Variants in SMAD6 observed in about 807,000 individuals in gnomAD.
The protein encoded by SMAD6 is SMAD family member 6.
A neutral mutation model predicts 39.4 loss-of-function variants in SMAD6; 103 were observed. The ratio of observed to expected loss-of-function variants is 2.62; its 90% confidence interval spans 2.23 to 3.08. SMAD6 has a LOEUF of 3.08. Among genes scored for constraint, SMAD6 ranks in the 30% most tolerant of loss-of-function variants. The pLI is 0.00. For synonymous variants in SMAD6, 445 were observed against 353.3 expected (o/e 1.26, Z -2.91); for missense variants, 1,104 against 742.9 (o/e 1.49, Z -5.65).
chr15:66,771,477 C>T (rs114115666), intron 3 of SMAD6, among the ~76,000 whole-genome samples: 1 of 152,214 alleles, frequency 6.6e-6, no homozygotes, highest in Non-Finnish European at 1.5e-5. Flanking sequence ...AAAGGCCTTT[C>T]TGCAGAGAAA....
chr15:66,717,316 T>G (rs1469029929), intron 3 of SMAD6: 1 of 461,430 alleles, frequency 2.2e-6, no homozygotes, highest in Non-Finnish European at 4.3e-6. Flanking sequence ...ATCTGAGACA[T>G]TCTTCCCTCA....
intron 3 of SMAD6, chr15:66,716,868 C>A: frequency 1.5e-6 from 1 of 656,602 alleles, no homozygotes; most frequent in Non-Finnish European, 2.3e-6. Context: ...ATTTGTCTTC[C>A]TCCTGTCCTC....
intron 3 of SMAD6, among the ~76,000 whole-genome samples, chr15:66,751,178 G>A (rs938000842): frequency 5.3e-5 from 8 of 152,346 alleles, no homozygotes; most frequent in African/African-American, 1.9e-4. Context: ...TCTGCAGGAA[G>A]TCAGAGGGTG....
In SMAD6 at chr15:66,780,276, T is replaced by G. The variant is rs116859350; in HGVS notation, c.953-721T>G. On this transcript the variant is annotated intron_variant, in intron 3 of 3. Transcript: ENST00000288840. ...GCGGTACCAGGAGGCTAAGGCTGAG[T>G]CAGGGAGCAGTCAAGCAGTCATATT... Among the ~76,000 whole-genome samples, 1,225 of 152,078 alleles carry G rather than the reference T, an allele frequency of 8.1e-3. 94 individuals are homozygous for G. In the East Asian group the frequency reaches 0.17, roughly 21 times the overall value.
rs1429905589 is a variant in SMAD6 at position 66,703,867 on chromosome 15, C to T, written c.609C>T (p.Gly203=). Residue 203 remains glycine, a synonymous_variant, in exon 1 of 4, where the codon GGC becomes GGT. Transcript: ENST00000288840. The part of the protein sequence containing the change: ...EAVESRGGVP[G]GCVLVPRADL... ...TGGAGTCCCGCGGCGGCGTGCCGGG[C>T]GGCTGCGTGCTGGTGCCGCGCGCCG... 1 of 1,334,898 alleles carries T rather than the reference C, an allele frequency of 7.5e-7. No homozygotes were observed. The highest frequency in any genetic ancestry group is 9.7e-7 in the Non-Finnish European group (1 of 1,034,810). The allele number at this position is 1,334,898 out of a possible 1,614,324, so 82.7% of individuals were successfully genotyped here.
intron 3 of SMAD6, among the ~76,000 whole-genome samples, chr15:66,732,350 A>G (rs571426818): frequency 6.6e-6 from 1 of 151,714 alleles, no homozygotes; most frequent in Non-Finnish European, 1.5e-5. Context: ...AAATCTTTGC[A>G]CTTCCCCTCC....
intron 3 of SMAD6, among the ~76,000 whole-genome samples, chr15:66,721,998 G>C (rs920923117): frequency 1.3e-5 from 2 of 152,192 alleles, no homozygotes; most frequent in African/African-American, 4.8e-5. Context: ...CAAAGACCTG[G>C]AGGTGTGAAA....
At chr15:66,721,547 C>T (rs573392844) in intron 3 of SMAD6, among the ~76,000 whole-genome samples, 5 of 152,282 alleles carry the variant, frequency 3.3e-5, no homozygotes, top group African/African-American at 7.2e-5. Flanking sequence ...AGCCCTGAGT[C>T]GGCCATCTAT....
rs1207179077 is a variant in SMAD6, at chr15:66,756,003, G to A, written c.953-24994G>A. 2.0e-5 allele frequency among the ~76,000 whole-genome samples: 3 copies of A among 151,130 alleles called. No individual in the cohort carries two copies. The South Asian group carries it at 6.3e-4, about 32-fold the overall frequency. On this transcript the variant is annotated intron_variant, in intron 3 of 3. Transcript: ENST00000288840. ...TCCTGGAGGAAGGAAAAGATTCCCA[G>A]AGTTCTATGCTTCAAGTCATTTTGG...
chr15:66,734,504 A>G (rs573145777), intron 3 of SMAD6, among the ~76,000 whole-genome samples: 1 of 152,324 alleles, frequency 6.6e-6, no homozygotes, highest in South Asian at 2.1e-4. Context: ...CCTGGCATTT[A>G]TTTAACAGTG....
chr15:66,771,918 G>A lies in SMAD6; in HGVS notation c.953-9079G>A, dbSNP rs185470212. ...AGAAACTACACTCAAAAGCCAAAAA[G>A]TGTGTTTCCAGGGCTGCATAGGGTA... On this transcript the variant is annotated intron_variant, in intron 3 of 3. Coordinates refer to ENST00000288840, the MANE Select transcript of SMAD6 (RefSeq NM_005585.5). 3.3e-3 allele frequency among the ~76,000 whole-genome samples: 499 copies of A among 152,274 alleles called. 1 individual carries two copies. The highest frequency in any genetic ancestry group is 4.7e-3 in the Non-Finnish European group (320 of 68,022).
intron 3 of SMAD6, among the ~76,000 whole-genome samples, chr15:66,760,772 C>G (rs552531915): frequency 3.3e-5 from 5 of 152,306 alleles, no homozygotes; most frequent in African/African-American, 1.2e-4. Context: ...GCCTTCCCAG[C>G]CAGTCTCCCA....
intron 1 of SMAD6, among the ~76,000 whole-genome samples, chr15:66,710,963 C>T (rs1029080576): frequency 6.6e-6 from 1 of 152,218 alleles, no homozygotes; most frequent in Admixed American, 6.5e-5. Context: ...ACCCTTTCTA[C>T]TGTCCTCCCC....
chr15:66,777,906 G>A (rs760355477), intron 3 of SMAD6, among the ~76,000 whole-genome samples: 1 of 152,174 alleles, frequency 6.6e-6, no homozygotes, highest in Non-Finnish European at 1.5e-5. Flanking sequence ...GCCTGAAGGC[G>A]GCTCTATGGG....
In SMAD6 at chr15:66,703,576, C is replaced by G. The variant is rs1893029934; in HGVS notation, c.318C>G (p.Asp106Glu). 1 of 1,225,718 alleles carries G rather than the reference C, an allele frequency of 8.2e-7. No homozygotes were observed. The highest frequency in any genetic ancestry group is 1.6e-5 in the African/African-American group (1 of 63,656). The allele number at this position is 1,225,718 out of a possible 1,614,324, so 75.9% of individuals were successfully genotyped here. A position where few individuals can be genotyped will look rare whatever the true frequency, so the allele number is the denominator to read the frequency against. The change falls in exon 1 of 4, where the codon GAC (aspartate) becomes GAG (glutamate). Residue 106 changes from aspartate (D) to glutamate (E), a missense_variant. Asp to Glu is a conservative substitution (Grantham distance 45, BLOSUM62 2). Transcript: ENST00000288840. ...CCGGCGCTGGGAGCTCCCTGCTGGA[C>G]GTGGCGGAGCCGGGAGGCCCGGGCT... ...PGAGAGSSLL[D>E]VAEPGGPGWL...
chr15:66,757,834 C>T (rs1012131159), intron 3 of SMAD6, among the ~76,000 whole-genome samples: 5 of 152,124 alleles, frequency 3.3e-5, no homozygotes, highest in Non-Finnish European at 5.9e-5. Context: ...GCATGGAATG[C>T]GCTGGGCATC....
In SMAD6 at chr15:66,703,900, C is replaced by T. The variant is rs1392322147; in HGVS notation, c.642C>T (p.Arg214=). ...GCVLVPRADL[R]LGGQPAPPQL... is the part of the protein sequence containing the mutation. ...TGCTGGTGCCGCGCGCCGACCTCCGCCTGGGCGGCCAGCCCGCGCCGCCGC... is the reference window on the plus strand; with the variant it reads ...TGCTGGTGCCGCGCGCCGACCTCCGTCTGGGCGGCCAGCCCGCGCCGCCGC... Residue 214 remains arginine (R), a synonymous_variant, in exon 1 of 4, where the codon CGC becomes CGT. Transcript: ENST00000288840. 7.7e-7 allele frequency: 1 copy of T among 1,291,440 alleles called. No homozygotes were observed. The highest frequency in any genetic ancestry group is 3.2e-5 in the East Asian group (1 of 30,952). 80.0% of individuals were successfully genotyped at this position (1,291,440 alleles called of 1,614,324 possible).
chr15:66,714,478 G>C (rs1398872301), intron 2 of SMAD6, among the ~76,000 whole-genome samples: 1 of 152,180 alleles, frequency 6.6e-6, no homozygotes, highest in East Asian at 1.9e-4. Flanking sequence ...GTTTTACTTG[G>C]AACACAGCCA....
At chr15:66,743,501 T>C (rs1420471324) in intron 3 of SMAD6, among the ~76,000 whole-genome samples, 1 of 152,082 alleles carries the variant, frequency 6.6e-6, no homozygotes, top group East Asian at 1.9e-4. Flanking sequence ...CTCAGAGATA[T>C]TAAATGGCTT....
Sources: allele counts gnomAD v4.1 joint callset (sites outside exome capture counted in the v4.1 genomes callset), GRCh38; gene constraint gnomAD v4.1.1; transcripts MANE v1.5; gene names NCBI Gene and HGNC (gene_info 2026-07-23, HGNC 2026-07-21).